TNS1: variants seen among roughly 807,000 people sequenced by gnomAD.
TNS1 encodes the protein tensin-1.
TNS1 carries 62 observed loss-of-function variants against 168.6 expected under a neutral mutation model. The observed-to-expected ratio is 0.37, with a 90% CI of 0.30 to 0.45. The LOEUF is 0.45. TNS1 is among the 20% of genes least tolerant of loss of function. The pLI is 1.00. For synonymous variants in TNS1, 934 were observed against 933.2 expected (o/e 1.00, Z -0.02); for missense variants, 2,240 against 2,339.4 (o/e 0.96, Z 0.88).
In TNS1 at chr2:217,894,595, T is replaced by A. The variant is rs185500001; in HGVS notation, c.594+411A>T. Among the ~76,000 whole-genome samples the A allele has an allele frequency of 2.4e-4, 37 of 152,178 alleles. No homozygotes were observed. In the East Asian group the frequency reaches 6.6e-3, roughly 27 times the overall value. Reference sequence around the variant, plus strand: ...TCACTTGAACCCAGGAAGTGGAGGTTGTAGTGAGCTGAGATCACGCCACTG... The same window carrying A: ...TCACTTGAACCCAGGAAGTGGAGGTAGTAGTGAGCTGAGATCACGCCACTG... On this transcript the variant is annotated intron_variant, in intron 9 of 32. Coordinates refer to ENST00000682258, the MANE Select transcript of TNS1 (RefSeq NM_001387777.1).
intron 1 of TNS1, among the ~76,000 whole-genome samples, chr2:217,991,289 C>G (rs866925552): frequency 1.9e-4 from 29 of 152,162 alleles, no homozygotes; most frequent in African/African-American, 6.5e-4. Context: ...GCTGGAGAGT[C>G]CAGCTCCAGG....
intron 7 of TNS1, among the ~76,000 whole-genome samples, 158 bp downstream of exon 7, chr2:217,900,305 G>C (rs1012964159): frequency 1.3e-5 from 2 of 152,226 alleles, no homozygotes; most frequent in Admixed American, 6.5e-5. Context: ...AACGGCATCC[G>C]CACGCATCCT....
chr2:217,915,083 T>C (rs1365032718), intron 4 of TNS1, among the ~76,000 whole-genome samples: 2 of 151,580 alleles, frequency 1.3e-5, no homozygotes, highest in African/African-American at 4.8e-5. Flanking sequence ...AAATCAGCCA[T>C]TTTTTCAGGA....
intron 1 of TNS1, among the ~76,000 whole-genome samples, chr2:218,026,756 T>TC (rs1559414601): frequency 6.6e-6 from 1 of 152,118 alleles, no homozygotes; most frequent in South Asian, 2.1e-4. Context: ...GTCCCACTCT[T>TC]CCCTCCTCTC....
chr2:217,916,874 C>T (rs1381955449), intron 4 of TNS1, among the ~76,000 whole-genome samples: 1 of 152,144 alleles, frequency 6.6e-6, no homozygotes, highest in African/African-American at 2.4e-5. Flanking sequence ...GAAGAAAACA[C>T]AACACACAGA....
At chr2:217,884,125 TGGTG>T (rs976360600) in intron 16 of TNS1, among the ~76,000 whole-genome samples, 16 of 10,038 alleles carry the variant, frequency 1.6e-3, no homozygotes, top group South Asian at 6.4e-3. Context: ...AAGTGATGCT[TGGTG>T]GGTGGGTGGG....
chr2:217,858,376 C>T (rs926918624), intron 18 of TNS1: 25 of 314,764 alleles, frequency 7.9e-5, no homozygotes, highest in Non-Finnish European at 1.1e-4. Context: ...GGGGTCGTGA[C>T]AGAGCCTGCC....
chr2:217,809,722 G>T, intron 30 of TNS1, 101 bp downstream of exon 30: 1 of 1,245,832 alleles, frequency 8.0e-7, no homozygotes, highest in Non-Finnish European at 1.1e-6. Flanking sequence ...TGAGCAGTTG[G>T]GTGCAAGGAA....
At chr2:217,917,931 G>T (rs988615992) in intron 4 of TNS1, among the ~76,000 whole-genome samples, 20 of 152,050 alleles carry the variant, frequency 1.3e-4, no homozygotes, top group African/African-American at 3.6e-4. Flanking sequence ...CAAAGGCCTG[G>T]AGGCATCATA....
intron 3 of TNS1, among the ~76,000 whole-genome samples, chr2:217,973,444 A>G (rs1489247361): frequency 1.3e-5 from 2 of 152,008 alleles, no homozygotes; most frequent in East Asian, 1.9e-4. Flanking sequence ...GAGAGAAACA[A>G]CTGGGGACAG....
chr2:217,841,100 T>C, intron 19 of TNS1: 1 of 446,864 alleles, frequency 2.2e-6, no homozygotes, highest in Non-Finnish European at 2.9e-6. Context: ...TGGGAAAGAT[T>C]TGGAAGGAAT....
chr2:217,894,679 A>AC (rs1271843089), intron 9 of TNS1, among the ~76,000 whole-genome samples: 1 of 151,952 alleles, frequency 6.6e-6, no homozygotes, highest in Non-Finnish European at 1.5e-5. Flanking sequence ...AAACAAACAA[A>AC]AAAACCGGCA....
chr2:218,030,426 G>C (rs1958882294), intron 1 of TNS1, among the ~76,000 whole-genome samples: 1 of 152,210 alleles, frequency 6.6e-6, no homozygotes, highest in African/African-American at 2.4e-5. Flanking sequence ...TCAATGACTT[G>C]TTTGCAGTCT....
chr2:217,972,065 G>T lies in TNS1; in HGVS notation c.186+6700C>A, dbSNP rs866594538. ...AGGCCAGAAGAATACAAAATAATAA[G>T]TACATATTAGCAACTTTTTAACAAC... On this transcript the variant is annotated intron_variant, in intron 3 of 32. Transcript: ENST00000682258. Among the ~76,000 whole-genome samples the T allele has an allele frequency of 1.4e-4, 22 of 152,294 alleles. No homozygotes were observed. In the Middle Eastern group the frequency reaches 0.01, roughly 71 times the overall value.
In TNS1 at chr2:217,803,574, C is replaced by G. The variant is rs558896442; in HGVS notation, c.*885G>C. ...TCAAACCAAAGCTCCAGGCTTCTGGCCAAGGCAGGACAGGGCGATGCCATT... is the reference window on the plus strand; with the variant it reads ...TCAAACCAAAGCTCCAGGCTTCTGGGCAAGGCAGGACAGGGCGATGCCATT... On this transcript the variant is annotated 3_prime_UTR_variant, in exon 33 of 33. Coordinates refer to ENST00000682258, the MANE Select transcript of TNS1 (RefSeq NM_001387777.1). 1.3e-5 allele frequency: 2 copies of G among 152,712 alleles called. No individual in the cohort carries two copies. Among genetic ancestry groups the G allele is most frequent in the African/African-American group, 2.4e-5 (1 of 41,452 alleles). The allele number at this position is 152,712 out of a possible 1,614,324, so 9.5% of individuals were successfully genotyped here. A position where few individuals can be genotyped will look rare whatever the true frequency, so the allele number is the denominator to read the frequency against.
chr2:217,803,202 T>A lies in TNS1; in HGVS notation c.*1257A>T, dbSNP rs940725647. ...CACTTACAGAGGGGAGGATAAGGACTCCAGGTTTCTGGCCGGAGCCTCACT... is the reference window on the plus strand; with the variant it reads ...CACTTACAGAGGGGAGGATAAGGACACCAGGTTTCTGGCCGGAGCCTCACT... On this transcript the variant is annotated 3_prime_UTR_variant, in exon 33 of 33. Transcript: ENST00000682258. The A allele has an allele frequency of 4.6e-5, 7 of 152,428 alleles. No homozygotes were observed. The highest frequency in any genetic ancestry group is 1.7e-4 in the African/African-American group (7 of 41,560). The allele number at this position is 152,428 out of a possible 1,614,324, so 9.4% of individuals were successfully genotyped here.
chr2:217,850,110 G>A (rs1482690637), intron 18 of TNS1: 1 of 985,270 alleles, frequency 1.0e-6, no homozygotes, highest in Non-Finnish European at 1.2e-6. Flanking sequence ...CAAGACTCCA[G>A]GAAAGGGACG....
chr2:217,816,578 C>T (rs1941917711), intron 24 of TNS1, among the ~76,000 whole-genome samples: 3 of 152,186 alleles, frequency 2.0e-5, no homozygotes, highest in Non-Finnish European at 4.4e-5. Context: ...AGCCCCAGGC[C>T]CCACTGCTGC....
At chr2:217,914,930 C>T (rs1954831428) in intron 4 of TNS1, among the ~76,000 whole-genome samples, 2 of 152,216 alleles carry the variant, frequency 1.3e-5, no homozygotes, top group African/African-American at 4.8e-5. Flanking sequence ...CATATTCTCA[C>T]TCCCATTCTG....
Sources: gnomAD v4.1 joint callset for allele counts (sites outside exome capture counted in the v4.1 genomes callset) on GRCh38, gnomAD v4.1.1 for gene constraint, MANE v1.5 for transcripts, NCBI Gene and HGNC (gene_info 2026-07-23, HGNC 2026-07-21) for gene names.